The following ITCH variants were observed in gnomAD, a reference collection of about 807,000 sequenced individuals.
ITCH encodes the protein E3 ubiquitin-protein ligase Itchy homolog.
Under a neutral mutation model 126.8 loss-of-function variants are expected in ITCH, and 28 were observed. The observed-to-expected ratio is 0.22, with a 90% CI of 0.16 to 0.30. The LOEUF is 0.30. ITCH is among the 10% of genes least tolerant of loss of function. The probability of loss-of-function intolerance (pLI) is 1.00; values close to 1 mark genes in which losing one functional copy is unlikely to be tolerated. For synonymous variants in ITCH, 342 were observed against 340.0 expected (o/e 1.01, Z -0.06); for missense variants, 631 against 1,032.4 (o/e 0.61, Z 5.33).
intron 7 of ITCH, among the ~76,000 whole-genome samples, chr20:34,428,145 G>T (rs780767517): frequency 6.6e-6 from 1 of 152,188 alleles, no homozygotes; most frequent in Non-Finnish European, 1.5e-5. Context: ...ACACACCTTT[G>T]AGATGACAGG....
At chr20:34,412,479 A>G (rs755068336) in intron 4 of ITCH, 36 bp from the exon 5 acceptor site, 17 of 1,481,402 alleles carry the variant, frequency 1.1e-5, no homozygotes, top group Non-Finnish European at 1.5e-5. Context: ...GATATTCAAT[A>G]AAAATAATAT....
At chr20:34,389,127 C>T (rs2038396918) in intron 2 of ITCH, among the ~76,000 whole-genome samples, 1 of 151,886 alleles carries the variant, frequency 6.6e-6, no homozygotes, top group South Asian at 2.1e-4. Context: ...GTTTCACATC[C>T]CATGAGTACT....
intron 6 of ITCH, among the ~76,000 whole-genome samples, chr20:34,420,391 G>A (rs1013937507): frequency 2.6e-5 from 4 of 152,192 alleles, no homozygotes; most frequent in African/African-American, 9.7e-5. Context: ...CATCCAAGTT[G>A]TAGAATGTGT....
At chr20:34,385,076 G>A (rs997927237) in intron 2 of ITCH, among the ~76,000 whole-genome samples, 2 of 151,434 alleles carry the variant, frequency 1.3e-5, no homozygotes, top group South Asian at 2.1e-4. Flanking sequence ...GTGCAGTGGT[G>A]TGATCTCAGC....
At position 34,508,146 on chromosome 20, in the gene ITCH, C is replaced by G; in HGVS notation, c.*352C>G. The G allele has an allele frequency of 3.3e-6, 1 of 305,352 alleles. No individual in the cohort carries two copies. The highest frequency in any genetic ancestry group is 6.4e-6 in the Non-Finnish European group (1 of 156,022). 18.9% of individuals were successfully genotyped at this position (305,352 alleles called of 1,614,324 possible). ...TTCTTTTAGACATTCTGCAGACATG[C>G]AGGGAAGTCCTTTGGTAACTGCAAT... On this transcript the variant is annotated 3_prime_UTR_variant, in exon 25 of 25. Coordinates refer to ENST00000374864, the MANE Select transcript of ITCH (RefSeq NM_031483.7).
At position 34,413,647 on chromosome 20, in the gene ITCH, C is replaced by T. The variant is rs558598622; in HGVS notation, c.338-95C>T. The T allele has an allele frequency of 9.2e-4, 1,047 of 1,139,102 alleles. 2 individuals carry two copies. The highest frequency in any genetic ancestry group is 1.3e-3 in the South Asian group (82 of 63,242). 70.6% of individuals were successfully genotyped at this position (1,139,102 alleles called of 1,614,324 possible). A position where few individuals can be genotyped will look rare whatever the true frequency, so the allele number is the denominator to read the frequency against. ...ATATGCACATATAGTTATATTTTCT[C>T]GGACATCACATTTTTAACAGTTAAT... On this transcript the variant is annotated intron_variant, in intron 5 of 24. Transcript: ENST00000374864.
intron 23 of ITCH, among the ~76,000 whole-genome samples, chr20:34,495,007 G>A (rs1329438368): frequency 1.3e-5 from 2 of 150,366 alleles, no homozygotes; most frequent in East Asian, 2.0e-4. Flanking sequence ...ATCCCAGCAC[G>A]TTGGGAGGCC....
intron 10 of ITCH, 63 bp from the exon 11 acceptor site, chr20:34,445,224 T>C: frequency 1.3e-6 from 2 of 1,572,896 alleles, no homozygotes; most frequent in Non-Finnish European, 8.7e-7. Flanking sequence ...AGGTAAAATA[T>C]TCTATCTGTT....
At chr20:34,442,430 G>C in intron 10 of ITCH, 127 bp downstream of exon 10, 1 of 716,724 alleles carries the variant, frequency 1.4e-6, no homozygotes, top group Non-Finnish European at 2.4e-6. Flanking sequence ...TTTGTTTTGT[G>C]GTAAGTACAA....
At chr20:34,374,869 A>G (rs912347983) in intron 2 of ITCH, among the ~76,000 whole-genome samples, 1 of 151,558 alleles carries the variant, frequency 6.6e-6, no homozygotes, top group African/African-American at 2.4e-5. Context: ...CCTCCCAAGT[A>G]GCTGGAATTA....
chr20:34,406,535 CTT>C (rs758567140), intron 3 of ITCH, among the ~76,000 whole-genome samples: 9 of 139,052 alleles, frequency 6.5e-5, no homozygotes, highest in Non-Finnish European at 4.7e-5. Flanking sequence ...GCTGCTGCTT[CTT>C]TTTTTTTTTT....
At chr20:34,472,387 A>C (rs1456796285) in intron 16 of ITCH, among the ~76,000 whole-genome samples, 8 of 134,162 alleles carry the variant, frequency 6.0e-5, no homozygotes, top group Non-Finnish European at 1.0e-4. Context: ...AAAAAAAAAA[A>C]AAAAAAAAAA....
rs576306412 is a variant in ITCH at position 34,510,275 on chromosome 20, G to T, written c.*2481G>T. ...TATATAAAAATACTGCAAATAGACC[G>T]CAGACATAAATATCTACCAAATGCT... On this transcript the variant is annotated 3_prime_UTR_variant, in exon 25 of 25. Transcript: ENST00000374864. 2 of 152,586 alleles carry T rather than the reference G, an allele frequency of 1.3e-5. No individual in the cohort carries two copies. The highest frequency in any genetic ancestry group is 4.1e-4 in the South Asian group (2 of 4,828). 9.5% of individuals were successfully genotyped at this position (152,586 alleles called of 1,614,324 possible). A position where few individuals can be genotyped will look rare whatever the true frequency, so the allele number is the denominator to read the frequency against.
At chr20:34,440,660 C>T (rs1372898687) in intron 9 of ITCH, among the ~76,000 whole-genome samples, 1 of 151,644 alleles carries the variant, frequency 6.6e-6, no homozygotes, top group Non-Finnish European at 1.5e-5. Flanking sequence ...ACCATGTTGG[C>T]CAGGCTGGTC....
intron 12 of ITCH, among the ~76,000 whole-genome samples, chr20:34,452,792 C>T (rs533612622): frequency 6.6e-6 from 1 of 152,294 alleles, no homozygotes; most frequent in South Asian, 2.1e-4. Flanking sequence ...AATGCCTCAG[C>T]CTCCTGAGTA....
rs568741760 is a variant in ITCH, at chr20:34,390,687, T to C, written c.-21-3104T>C. Among the ~76,000 whole-genome samples, 37 of 152,092 alleles carry C rather than the reference T, an allele frequency of 2.4e-4. No homozygotes were observed. In the South Asian group the frequency reaches 7.5e-3, roughly 31 times the overall value. ...CTGGTCTCGAACTCCTGACCTCAGG[T>C]GATCCACCTACCTTAGCCTCCCAAA... On this transcript the variant is annotated intron_variant, in intron 2 of 24. Coordinates refer to ENST00000374864, the MANE Select transcript of ITCH (RefSeq NM_031483.7).
rs181067595 is a variant in ITCH, at chr20:34,388,129, A to G, written c.-21-5662A>G. Among the ~76,000 whole-genome samples the G allele has an allele frequency of 1.4e-4, 21 of 146,668 alleles. No individual in the cohort carries two copies. In the East Asian group the frequency reaches 4.0e-3, roughly 28 times the overall value. On this transcript the variant is annotated intron_variant, in intron 2 of 24. Coordinates refer to ENST00000374864, the MANE Select transcript of ITCH (RefSeq NM_031483.7). ...TTTTTTTTTTTTGAGACACGGTCTC[A>G]CTGTGTTGCCCAGGCTGGAATGCAG...
In ITCH at chr20:34,445,443, C is replaced by A. The variant is rs767540080; in HGVS notation, c.1122C>A (p.Asn374Lys). The A allele has an allele frequency of 6.8e-6, 11 of 1,613,882 alleles. No homozygotes were observed. Among genetic ancestry groups the A allele is most frequent in the African/African-American group, 2.7e-5 (2 of 74,894 alleles). Residue 374 changes from asparagine (N) to lysine (K), a missense_variant, in exon 11 of 25, where the codon AAC becomes AAA. By Grantham distance (94) the Asn-to-Lys change is moderately conservative. Around this residue, in one of 4 missense-constraint regions of ITCH, gnomAD observed 390 missense variants for 731.6 expected, o/e 0.53. Transcript: ENST00000374864. Reference sequence around the variant, plus strand: ...TTCAAGGAGCAATGCAGCAGTTTAACCAGAGATTCATTTATGGGGTGAGCA... The same window carrying A: ...TTCAAGGAGCAATGCAGCAGTTTAAACAGAGATTCATTTATGGGGTGAGCA... ...SQLQGAMQQF[N>K]QRFIYGNQDL... is the part of the protein sequence containing the mutation.
chr20:34,446,418 A>AT (rs1045883946), intron 11 of ITCH, among the ~76,000 whole-genome samples: 25 of 152,064 alleles, frequency 1.6e-4, no homozygotes, highest in Admixed American at 1.4e-3. Flanking sequence ...TCTATTCCTT[A>AT]TACCTCATCA....
Sources: allele counts gnomAD v4.1 joint callset (sites outside exome capture counted in the v4.1 genomes callset), GRCh38; gene constraint gnomAD v4.1.1; regional missense constraint gnomAD v4.1.1; transcripts MANE v1.5; gene names NCBI Gene and HGNC (gene_info 2026-07-23, HGNC 2026-07-21).